ARID5B: variants seen among roughly 807,000 people sequenced by gnomAD.
The protein encoded by ARID5B is AT-rich interactive domain-containing protein 5B.
A neutral mutation model predicts 97.2 loss-of-function variants in ARID5B; 13 were observed. That is an observed-to-expected ratio of 0.13 (90% confidence interval 0.09 to 0.21). The LOEUF (loss-of-function observed/expected upper bound fraction) is 0.21. Ranked by LOEUF, ARID5B falls within the 10% of genes least tolerant of loss-of-function variation. The probability of loss-of-function intolerance (pLI) is 1.00; values close to 1 mark genes in which losing one functional copy is unlikely to be tolerated. For synonymous variants in ARID5B, 556 were observed against 570.3 expected, an observed-to-expected ratio of 0.97 and a Z score of 0.36; for missense variants, 1,210 against 1,465.3, an observed-to-expected ratio of 0.83 and a Z score of 2.84.
intron 4 of ARID5B, among the ~76,000 whole-genome samples, chr10:62,010,458 C>T (rs551277113): frequency 7.9e-5 from 12 of 152,278 alleles, no homozygotes; most frequent in Admixed American, 4.6e-4. Flanking sequence ...TGAAATGATA[C>T]GAAAACTCTG....
At chr10:62,049,119 G>A (rs761972626) in intron 4 of ARID5B, 5 of 1,124,586 alleles carry the variant, frequency 4.4e-6, no homozygotes, top group Non-Finnish European at 5.5e-6. Context: ...CATGGAACGT[G>A]GCATCGTGCT....
chr10:61,987,801 T>C (rs192444311), intron 3 of ARID5B, among the ~76,000 whole-genome samples: 1 of 152,346 alleles, frequency 6.6e-6, no homozygotes, highest in East Asian at 1.9e-4. Context: ...ATCTGAGAGA[T>C]ACCCAGAAAC....
chr10:61,906,624 G>A (rs558212969), intron 2 of ARID5B, among the ~76,000 whole-genome samples: 12 of 152,170 alleles, frequency 7.9e-5, no homozygotes, highest in Non-Finnish European at 1.6e-4. Context: ...AGGCATACCT[G>A]GATGTTACAG....
At chr10:61,912,849 C>G (rs1452963545) in intron 2 of ARID5B, among the ~76,000 whole-genome samples, 1 of 152,002 alleles carries the variant, frequency 6.6e-6, no homozygotes, top group African/African-American at 2.4e-5. Context: ...CTAAGCTTGC[C>G]CTAAGCTCTC....
At chr10:61,937,820 A>G (rs144443560) in intron 2 of ARID5B, among the ~76,000 whole-genome samples, 80 of 152,286 alleles carry the variant, frequency 5.3e-4, no homozygotes, top group African/African-American at 1.7e-3. Context: ...GCACAAAGTA[A>G]TGTTTCCTGA....
At chr10:61,978,696 T>C in intron 3 of ARID5B, among the ~76,000 whole-genome samples, 1 of 152,234 alleles carries the variant, frequency 6.6e-6, no homozygotes, top group African/African-American at 2.4e-5. Flanking sequence ...CTTGTGATTT[T>C]TGCACATTGA....
intron 2 of ARID5B, among the ~76,000 whole-genome samples, chr10:61,939,272 A>T (rs1459874610): frequency 6.6e-6 from 1 of 151,946 alleles, no homozygotes; most frequent in East Asian, 1.9e-4. Flanking sequence ...TTAACTTAAA[A>T]CCCAGTGAGA....
At position 62,093,093 on chromosome 10, in the gene ARID5B, G is replaced by A; in HGVS notation, c.*63G>A. On this transcript the variant is annotated 3_prime_UTR_variant, in exon 10 of 10. Transcript: ENST00000279873. ...ACAGAGCTTCACTCCTTACCCAGGA[G>A]TGCTGGCTTATAGAGTTAGAAGTCA... The A allele has an allele frequency of 6.5e-7, 1 of 1,534,826 alleles. No homozygotes were observed. Among genetic ancestry groups the A allele is most frequent in the Non-Finnish European group, 8.7e-7 (1 of 1,150,830 alleles).
chr10:62,074,046 C>A (rs1490679702), intron 8 of ARID5B, among the ~76,000 whole-genome samples: 26 of 152,120 alleles, frequency 1.7e-4, no homozygotes, highest in Admixed American at 1.7e-3. Context: ...ATGCAGATTT[C>A]CCTTTTTAAA....
chr10:62,092,905 A>T lies in ARID5B; in HGVS notation c.3442A>T (p.Thr1148Ser), dbSNP rs1840406100. 6.2e-7 allele frequency: 1 copy of T among 1,614,222 alleles called. No homozygotes were observed. Among genetic ancestry groups the T allele is most frequent in the Non-Finnish European group, 8.5e-7 (1 of 1,180,034 alleles). ...QQLYRHLAAATPVGSSYGDLL... is the reference protein window; with the variant it reads ...QQLYRHLAAASPVGSSYGDLL... ...GCTGTACAGACACTTGGCTGCGGCTACACCTGTAGGAAGTTCATATGGGGA... is the reference window on the plus strand; with the variant it reads ...GCTGTACAGACACTTGGCTGCGGCTTCACCTGTAGGAAGTTCATATGGGGA... Residue 1148 changes from threonine to serine, a missense_variant, in exon 10 of 10, where the codon ACA becomes TCA. By Grantham distance (58) the Thr-to-Ser change is moderately conservative. Around this residue, in one of 8 missense-constraint regions of ARID5B, gnomAD observed 54 missense variants for 67.4 expected, o/e 0.80. Coordinates refer to ENST00000279873, the MANE Select transcript of ARID5B (RefSeq NM_032199.3).
chr10:61,902,154 T>A lies in ARID5B; in HGVS notation c.22-5T>A. 6.2e-7 allele frequency: 1 copy of A among 1,611,948 alleles called. No homozygotes were observed. Among genetic ancestry groups the A allele is most frequent in the Non-Finnish European group, 8.5e-7 (1 of 1,179,636 alleles). ...TTTATTTGGTGTTTTTTTCCCCCCC[T>A]GCAGTGGGTCGGCTCACCGTGTGGC... is the stretch of plus-strand genomic sequence containing the variant. On this transcript the variant is annotated splice_region_variant and splice_polypyrimidine_tract_variant and intron_variant, in intron 1 of 9. Coordinates refer to ENST00000279873, the MANE Select transcript of ARID5B (RefSeq NM_032199.3).
intron 3 of ARID5B, among the ~76,000 whole-genome samples, chr10:61,955,350 A>C (rs148070005): frequency 0.015 from 2,320 of 152,320 alleles, 19 homozygotes; most frequent in Non-Finnish European, 0.023. Flanking sequence ...AATAACATGC[A>C]GTAACATGCA....
At chr10:62,051,562 C>T (rs1404524087) in intron 5 of ARID5B, among the ~76,000 whole-genome samples, 1 of 152,148 alleles carries the variant, frequency 6.6e-6, no homozygotes, top group Non-Finnish European at 1.5e-5. Context: ...TTAAAGATCT[C>T]TGTTAACATA....
chr10:61,961,754 C>CT (rs1162406424), intron 3 of ARID5B, among the ~76,000 whole-genome samples: 1 of 151,802 alleles, frequency 6.6e-6, no homozygotes, highest in African/African-American at 2.4e-5. Flanking sequence ...TTCTTTCTTT[C>CT]TTTTTTTTCT....
intron 2 of ARID5B, among the ~76,000 whole-genome samples, chr10:61,922,331 G>T (rs527600322): frequency 1.3e-5 from 2 of 151,602 alleles, no homozygotes. Flanking sequence ...GGCCGGGCAT[G>T]GTGGCTCACG....
chr10:62,093,964 T>C lies in ARID5B; in HGVS notation c.*934T>C. ...TAGTTGAAAGAGCTTATACACTGCT[T>C]ACCCAGCCAAATGCTTTGCTTTGAA... is the stretch of plus-strand genomic sequence containing the variant. On this transcript the variant is annotated 3_prime_UTR_variant, in exon 10 of 10. Coordinates refer to ENST00000279873, the MANE Select transcript of ARID5B (RefSeq NM_032199.3). 4.3e-6 allele frequency: 1 copy of C among 233,736 alleles called. No homozygotes were observed. The highest frequency in any genetic ancestry group is 6.0e-5 in the East Asian group (1 of 16,580). The allele number at this position is 233,736 out of a possible 1,614,324, so 14.5% of individuals were successfully genotyped here.
intron 4 of ARID5B, among the ~76,000 whole-genome samples, chr10:62,021,981 G>T (rs749329573): frequency 6.6e-6 from 1 of 152,174 alleles, no homozygotes; most frequent in Non-Finnish European, 1.5e-5. Context: ...ATGTAATACC[G>T]AATATCACAT....
At chr10:62,052,849 A>G (rs930616383) in intron 5 of ARID5B, among the ~76,000 whole-genome samples, 25 of 152,324 alleles carry the variant, frequency 1.6e-4, no homozygotes, top group African/African-American at 4.3e-4. Flanking sequence ...TTGGTGTTCA[A>G]TGGTGAACAG....
rs1300813262 is a variant in ARID5B at position 62,000,110 on chromosome 10, G to T, written c.522G>T (p.Thr174=). The T allele has an allele frequency of 6.2e-7, 1 of 1,613,774 alleles. No homozygotes were observed. Among genetic ancestry groups the T allele is most frequent in the Non-Finnish European group, 8.5e-7 (1 of 1,179,880 alleles). The change falls in exon 4 of 10, where the codon ACG becomes ACT. Residue 174 remains threonine (T), a synonymous_variant. Coordinates refer to ENST00000279873, the MANE Select transcript of ARID5B (RefSeq NM_032199.3). This position sits in a 1 kb window ranked among gnomAD's most constrained non-coding sequence, Gnocchi z 4.4. ...GTCTAGGGGAGGACGAGGAAGAAAC[G>T]AACGTGATAGTTCTCAGCTACCCCC... ...KADLGEDEEE[T]NVIVLSYPQY...
Sources: allele counts gnomAD v4.1 joint callset (sites outside exome capture counted in the v4.1 genomes callset), GRCh38; gene constraint gnomAD v4.1.1; regional missense constraint gnomAD v4.1.1; non-coding constraint Gnocchi (gnomAD v3.1); transcripts MANE v1.5; gene names NCBI Gene and HGNC (gene_info 2026-07-23, HGNC 2026-07-21).